Variants in EVC2 observed in about 807,000 individuals in gnomAD.
EVC2 encodes limbin.
In EVC2, 148 loss-of-function variants were observed where a neutral mutation model predicts 149.3. That is an observed-to-expected ratio of 0.99 (90% CI 0.87 to 1.14). The LOEUF is 1.14. Among genes scored for constraint, EVC2 ranks in the 50% most tolerant of loss-of-function variants. The pLI is 0.00. For missense variants in EVC2, 1,854 were observed against 1,627.3 expected (o/e 1.14, Z -2.40); for synonymous variants, 776 against 649.9 (o/e 1.19, Z -2.95).
intron 9 of EVC2, among the ~76,000 whole-genome samples, chr4:5,647,080 A>G (rs537656177): frequency 6.6e-6 from 1 of 152,250 alleles, no homozygotes; most frequent in East Asian, 1.9e-4. Flanking sequence ...TATGGATTGC[A>G]TCTCCCTGCA....
chr4:5,674,357 G>A (rs1719857541), intron 7 of EVC2, among the ~76,000 whole-genome samples: 1 of 152,162 alleles, frequency 6.6e-6, no homozygotes, highest in Non-Finnish European at 1.5e-5. Context: ...TTCTGAACCT[G>A]GCCAGTTCCC....
chr4:5,702,783 C>T (rs76560931), intron 1 of EVC2, among the ~76,000 whole-genome samples: 32,146 of 152,034 alleles, frequency 0.21, 3,933 homozygotes, highest in Middle Eastern at 0.37. Flanking sequence ...GCCTAGACAC[C>T]GACAGCAAGT....
chr4:5,559,034 CCAAA>C (rs112453868), downstream of EVC2, among the ~76,000 whole-genome samples: 60 of 151,826 alleles, frequency 4.0e-4, no homozygotes, highest in African/African-American at 1.4e-3. The surrounding 1 kb of genome is among the most constrained non-coding windows in gnomAD (Gnocchi z 5.0). Context: ...CCCTGCAAAA[CCAAA>C]CAAACAAACA....
chr4:5,568,395 C>A, intron 20 of EVC2, 49 bp downstream of exon 20: 1 of 1,531,020 alleles, frequency 6.5e-7, no homozygotes, highest in South Asian at 1.2e-5. Flanking sequence ...CATGGGGACC[C>A]TTGTGGACAG....
At chr4:5,634,612 T>C (rs1184103425) in intron 10 of EVC2, among the ~76,000 whole-genome samples, 3 of 152,332 alleles carry the variant, frequency 2.0e-5, no homozygotes, top group Admixed American at 6.5e-5. Context: ...ATGATGTATT[T>C]GTGCCATAGT....
chr4:5,676,555 G>A lies in EVC2; in HGVS notation c.870+4705C>T, dbSNP rs985571536. Among the ~76,000 whole-genome samples the A allele has an allele frequency of 8.5e-5, 13 of 152,276 alleles. No individual in the cohort carries two copies. The East Asian group carries it at 1.7e-3, about 20-fold the overall frequency. On this transcript the variant is annotated intron_variant, in intron 7 of 21. Transcript: ENST00000344408. The stretch of plus-strand genomic sequence containing the variant: ...CTGGAACACATGCTATGACTGCCAC[G>A]GCCTTGCCTCATCCTTATGTATGTG...
chr4:5,568,213 C>T (rs528616486), intron 20 of EVC2, among the ~76,000 whole-genome samples: 2 of 149,084 alleles, frequency 1.3e-5, no homozygotes, highest in Admixed American at 6.8e-5. Flanking sequence ...ATTTCTTTCT[C>T]TTCTTCCTCT....
chr4:5,555,008 G>A (rs1046860246), intron 21 of EVC2, among the ~76,000 whole-genome samples: 1 of 127,854 alleles, frequency 7.8e-6, no homozygotes, highest in African/African-American at 3.4e-5. Context: ...GATAACTAGA[G>A]AGAGGAAGCG....
chr4:5,672,679 C>G (rs867816105), intron 7 of EVC2, among the ~76,000 whole-genome samples: 1 of 152,058 alleles, frequency 6.6e-6, no homozygotes, highest in Non-Finnish European at 1.5e-5. Context: ...AAGCATATAC[C>G]CCAAATAATT....
intron 11 of EVC2, among the ~76,000 whole-genome samples, chr4:5,630,009 C>G (rs1716413341): frequency 6.6e-6 from 1 of 152,222 alleles, no homozygotes; most frequent in African/African-American, 2.4e-5. Context: ...CATTGAGAGT[C>G]AGCCACTGCT....
At chr4:5,584,460 G>T (rs1201539134) in intron 17 of EVC2, among the ~76,000 whole-genome samples, 163 bp downstream of exon 17, 1 of 152,192 alleles carries the variant, frequency 6.6e-6, no homozygotes, top group Non-Finnish European at 1.5e-5. Context: ...TTGGTTGAGA[G>T]AGTGCCAAGT....
chr4:5,655,667 G>C (rs1256416929), intron 9 of EVC2, among the ~76,000 whole-genome samples: 1 of 151,640 alleles, frequency 6.6e-6, no homozygotes, highest in East Asian at 1.9e-4. Flanking sequence ...ACTGTGCTGA[G>C]AGCCTCAGAG....
the EVC2 span, among the ~76,000 whole-genome samples, chr4:5,536,985 T>G: frequency 6.6e-6 from 1 of 152,158 alleles, no homozygotes; most frequent in African/African-American, 2.4e-5. Context: ...TCTAAGACTG[T>G]CAACAAACAC....
At chr4:5,578,217 A>G (rs948436182) in intron 17 of EVC2, among the ~76,000 whole-genome samples, 1 of 131,530 alleles carries the variant, frequency 7.6e-6, no homozygotes, top group Non-Finnish European at 1.5e-5. Context: ...ACTCAGGAGC[A>G]TCGTTGACAT....
At chr4:5,703,980 A>G (rs986325892) in intron 1 of EVC2, among the ~76,000 whole-genome samples, 1 of 152,140 alleles carries the variant, frequency 6.6e-6, no homozygotes, top group Non-Finnish European at 1.5e-5. Flanking sequence ...AAGGGCCCTG[A>G]GGTGGGAACA....
At chr4:5,606,569 T>C (rs1714404578) in intron 16 of EVC2, among the ~76,000 whole-genome samples, 1 of 152,048 alleles carries the variant, frequency 6.6e-6, no homozygotes, top group African/African-American at 2.4e-5. Context: ...GAGAACACAA[T>C]GAAATCCAGT....
intron 9 of EVC2, among the ~76,000 whole-genome samples, chr4:5,660,447 CA>C (rs1718805006): frequency 1.3e-5 from 2 of 152,180 alleles, no homozygotes; most frequent in Non-Finnish European, 1.5e-5. Flanking sequence ...AAGGATGAGC[CA>C]GAGCTGTTTC....
rs188721040 is a variant in EVC2 at position 5,543,431 on chromosome 4, C to T, written c.3420-219G>A. ...CAATTTTGAAGCCCAAAGCATTCAA[C>T]GGCAAGAGGCTAGCCTGCAGGGTTC... On this transcript the variant is annotated intron_variant and NMD_transcript_variant, in intron 21 of 22. Transcript: ENST00000475313. Among the ~76,000 whole-genome samples the T allele has an allele frequency of 1.6e-4, 25 of 152,314 alleles. 1 individual carries two copies. The highest frequency in any genetic ancestry group is 3.4e-3 in the Middle Eastern group (1 of 294).
chr4:5,638,508 G>A (rs891951274), intron 10 of EVC2, among the ~76,000 whole-genome samples: 2 of 152,122 alleles, frequency 1.3e-5, no homozygotes, highest in Non-Finnish European at 2.9e-5. Context: ...TAAGGGCTCG[G>A]CTCAAGGATG....
Sources: allele counts gnomAD v4.1 joint callset (sites outside exome capture counted in the v4.1 genomes callset), GRCh38; gene constraint gnomAD v4.1.1; non-coding constraint Gnocchi (gnomAD v3.1); transcripts MANE v1.5; gene names NCBI Gene and HGNC (gene_info 2026-07-23, HGNC 2026-07-21).